Variants in SEMA6D observed in about 807,000 individuals in gnomAD.
SEMA6D encodes semaphorin-6D.
SEMA6D carries 35 observed loss-of-function variants against 106.6 expected under a neutral mutation model. The ratio of observed to expected loss-of-function variants is 0.33; its 90% CI spans 0.25 to 0.44. SEMA6D has a LOEUF of 0.44. Ranked by LOEUF, SEMA6D falls within the 20% of genes least tolerant of loss-of-function variation. The probability of loss-of-function intolerance (pLI) is 1.00; values close to 1 mark genes in which losing one functional copy is unlikely to be tolerated. For synonymous variants in SEMA6D, 499 were observed against 487.7 expected, an observed-to-expected ratio of 1.02 and a Z score of -0.31; for missense variants, 1,185 against 1,345.9, an observed-to-expected ratio of 0.88 and a Z score of 1.87.
intron 3 of SEMA6D, among the ~76,000 whole-genome samples, chr15:47,600,268 T>A (rs549228650): frequency 2.6e-5 from 4 of 152,140 alleles, no homozygotes; most frequent in Non-Finnish European, 5.9e-5. Flanking sequence ...TATTATAGAA[T>A]TGATGGAGTA....
At chr15:47,516,512 A>G (rs1020899826) in intron 3 of SEMA6D, among the ~76,000 whole-genome samples, 2 of 152,166 alleles carry the variant, frequency 1.3e-5, no homozygotes, top group African/African-American at 4.8e-5. Flanking sequence ...TTATCTGATC[A>G]ATTTGTTGTA....
intron 2 of SEMA6D, among the ~76,000 whole-genome samples, chr15:47,444,542 G>A (rs1456266323): frequency 6.6e-6 from 1 of 152,108 alleles, no homozygotes; most frequent in Non-Finnish European, 1.5e-5. Context: ...AGATAATGGG[G>A]AAAATACTCA....
chr15:47,643,786 C>G (rs2077532348), intron 4 of SEMA6D, among the ~76,000 whole-genome samples: 1 of 152,168 alleles, frequency 6.6e-6, no homozygotes, highest in Non-Finnish European at 1.5e-5. Context: ...TCTTCTCTAG[C>G]TATTTACAGA....
intron 3 of SEMA6D, among the ~76,000 whole-genome samples, chr15:47,476,329 T>A (rs2042999271): frequency 6.6e-6 from 1 of 152,182 alleles, no homozygotes; most frequent in Non-Finnish European, 1.5e-5. Context: ...CTAAGTGAAC[T>A]TTATAATCTT....
intron 4 of SEMA6D, among the ~76,000 whole-genome samples, chr15:47,698,931 G>A (rs976185577): frequency 5.3e-5 from 8 of 152,200 alleles, no homozygotes; most frequent in East Asian, 1.9e-4. Flanking sequence ...ATTCCAAGGC[G>A]TAGCTATAAC....
intron 2 of SEMA6D, among the ~76,000 whole-genome samples, chr15:47,419,191 A>T (rs281218): frequency 0.61 from 93,078 of 151,886 alleles, 29,247 homozygotes; most frequent in Middle Eastern, 0.69. Context: ...AGAGATCATG[A>T]TCATAGAAGA....
intron 3 of SEMA6D, among the ~76,000 whole-genome samples, chr15:47,560,152 T>A (rs180869080): frequency 6.6e-6 from 1 of 152,060 alleles, no homozygotes; most frequent in Non-Finnish European, 1.5e-5. Flanking sequence ...TTATCTAAAG[T>A]GTATTCAACC....
chr15:47,427,907 T>C (rs1384259916), intron 2 of SEMA6D, among the ~76,000 whole-genome samples: 1 of 152,152 alleles, frequency 6.6e-6, no homozygotes, highest in East Asian at 1.9e-4. Flanking sequence ...TCTCTCTTTC[T>C]CTGAGGAGCC....
intron 4 of SEMA6D, among the ~76,000 whole-genome samples, chr15:47,617,425 G>C (rs2077027243): frequency 6.6e-6 from 1 of 152,104 alleles, no homozygotes; most frequent in Admixed American, 6.5e-5. Context: ...CTTTAGGAAG[G>C]GGTCAGTAAA....
At chr15:47,184,261 A>G (rs530467579) in exon 1 of SEMA6D, 2 of 153,020 alleles carry the variant, frequency 1.3e-5, no homozygotes, top group East Asian at 3.9e-4. Flanking sequence ...CGGTGACAGC[A>G]AGGAGCGCAG....
chr15:47,332,081 A>C (rs1458542392), intron 1 of SEMA6D, among the ~76,000 whole-genome samples: 2 of 152,168 alleles, frequency 1.3e-5, no homozygotes, highest in Non-Finnish European at 2.9e-5. Flanking sequence ...AGAAGTGCTG[A>C]GTCTGTTTCT....
At chr15:47,262,954 TC>T (rs2142109120) in intron 1 of SEMA6D, among the ~76,000 whole-genome samples, 1 of 152,196 alleles carries the variant, frequency 6.6e-6, no homozygotes, top group Admixed American at 6.5e-5. Context: ...GGGAAAGGAT[TC>T]CCTATTCAAT....
chr15:47,589,390 G>T (rs1400169312), intron 3 of SEMA6D, among the ~76,000 whole-genome samples: 1 of 152,236 alleles, frequency 6.6e-6, no homozygotes, highest in Non-Finnish European at 1.5e-5. Context: ...AACTCTGGCA[G>T]GCCTTCCTGT....
intron 1 of SEMA6D, among the ~76,000 whole-genome samples, chr15:47,323,267 C>G (rs2036996494): frequency 6.6e-6 from 1 of 152,152 alleles, no homozygotes; most frequent in African/African-American, 2.4e-5. Flanking sequence ...AGAGCTACAG[C>G]TCTTTCGCTC....
At position 47,552,883 on chromosome 15, in the gene SEMA6D, TATATATAA is replaced by T. The variant is rs1369688073; in HGVS notation, c.-86-47974_-86-47967del. Among the ~76,000 whole-genome samples the T allele has an allele frequency of 6.0e-3, 79 of 13,240 alleles. 2 individuals carry two copies. Among genetic ancestry groups the T allele is most frequent in the African/African-American group, 0.022 (75 of 3,382 alleles). 8.7% of individuals were successfully genotyped at this position (13,240 alleles called of 152,430 possible). A position where few individuals can be genotyped will look rare whatever the true frequency, so the allele number is the denominator to read the frequency against. On this transcript the variant is annotated intron_variant, in intron 3 of 19. Transcript: ENST00000558014. ...ATATATATTTTTATATATATATAAA[TATATATAA>T]ATATATATATATATAAATATATATA...
At chr15:47,745,516 A>T (rs1357242108) in intron 1 of SEMA6D, among the ~76,000 whole-genome samples, 1 of 152,252 alleles carries the variant, frequency 6.6e-6, no homozygotes, top group East Asian at 1.9e-4. Flanking sequence ...GAGTTTGCTT[A>T]ATACCCTCTT....
intron 4 of SEMA6D, among the ~76,000 whole-genome samples, chr15:47,657,719 CTTTTTTTTTTTTTTTTTTTTTTTTTTT>C (rs71118191): frequency 1.8e-5 from 1 of 54,654 alleles, no homozygotes; most frequent in Non-Finnish European, 3.2e-5. Context: ...GGCTTCATTT[CTTTTTTTTTTTTTTTTTTTTTTTTTTT>C]TTTTTTTTTT....
At chr15:47,382,494 G>A (rs531060145) in intron 1 of SEMA6D, among the ~76,000 whole-genome samples, 21 of 152,026 alleles carry the variant, frequency 1.4e-4, no homozygotes, top group Non-Finnish European at 2.5e-4. Context: ...GTGACAGAGC[G>A]AGACTCCGTC....
At chr15:47,264,809 A>C (rs2034241669) in intron 1 of SEMA6D, among the ~76,000 whole-genome samples, 1 of 152,036 alleles carries the variant, frequency 6.6e-6, no homozygotes, top group South Asian at 2.1e-4. Context: ...ATTTTTGAAA[A>C]AGTATGTCAT....
Sources: allele counts gnomAD v4.1 joint callset (sites outside exome capture counted in the v4.1 genomes callset), GRCh38; gene constraint gnomAD v4.1.1; transcripts MANE v1.5; gene names NCBI Gene and HGNC (gene_info 2026-07-23, HGNC 2026-07-21).